Variants in TRAPPC9 observed in about 807,000 individuals in gnomAD.
The protein encoded by TRAPPC9 is trafficking protein particle complex subunit 9.
TRAPPC9 carries 83 observed loss-of-function variants against 124.0 expected under a neutral mutation model. The observed-to-expected ratio is 0.67, with a 90% CI of 0.56 to 0.80. TRAPPC9 has a LOEUF of 0.80. Ranked by LOEUF, TRAPPC9 falls within the 30% of genes least tolerant of loss-of-function variation. TRAPPC9 has a pLI of 0.00. For synonymous variants in TRAPPC9, 638 were observed against 617.5 expected, an observed-to-expected ratio of 1.03 and a Z score of -0.49; for missense variants, 1,302 against 1,508.3, an observed-to-expected ratio of 0.86 and a Z score of 2.27.
intron 7 of TRAPPC9, among the ~76,000 whole-genome samples, chr8:140,372,580 C>T (rs537259815): frequency 1.3e-5 from 2 of 152,290 alleles, no homozygotes; most frequent in African/African-American, 2.4e-5. Context: ...CCAAAATTCA[C>T]ATGTTGAAAG....
intron 17 of TRAPPC9, among the ~76,000 whole-genome samples, chr8:140,154,472 C>T (rs2061597324): frequency 6.6e-6 from 1 of 152,174 alleles, no homozygotes; most frequent in African/African-American, 2.4e-5. Context: ...AAAAGGCTCC[C>T]GTTGCTCTGA....
At chr8:140,409,918 G>A (rs1276938340) in intron 5 of TRAPPC9, among the ~76,000 whole-genome samples, 1 of 151,906 alleles carries the variant, frequency 6.6e-6, no homozygotes, top group Non-Finnish European at 1.5e-5. Flanking sequence ...AGGCTCCTGG[G>A]TTGAGCCCAA....
chr8:139,738,611 T>C (rs960559988), intron 21 of TRAPPC9, among the ~76,000 whole-genome samples: 1 of 152,124 alleles, frequency 6.6e-6, no homozygotes, highest in Non-Finnish European at 1.5e-5. Flanking sequence ...GGGAGGAAGG[T>C]AGCCCGCAAC....
chr8:140,316,978 G>A lies in TRAPPC9; in HGVS notation c.1496-5604C>T, dbSNP rs77306312. Among the ~76,000 whole-genome samples, 491 of 152,214 alleles carry A rather than the reference G, an allele frequency of 3.2e-3. 1 individual carries two copies. Among genetic ancestry groups the A allele is most frequent in the African/African-American group, 0.01 (433 of 41,538 alleles). On this transcript the variant is annotated intron_variant, in intron 9 of 22. Transcript: ENST00000438773. ...TGTATGTGTCCACGCAGTTATCCAC[G>A]TCTTCTAGGTCACTGAGTTTGTTGG...
At chr8:140,361,075 TAACC>T (rs1389569360) in intron 8 of TRAPPC9, among the ~76,000 whole-genome samples, 1 of 152,248 alleles carries the variant, frequency 6.6e-6, no homozygotes, top group Non-Finnish European at 1.5e-5. Context: ...ATGGCTCTGA[TAACC>T]AACCACACAG....
intron 17 of TRAPPC9, among the ~76,000 whole-genome samples, chr8:140,124,742 C>T (rs144683874): frequency 9.1e-4 from 95 of 104,526 alleles, no homozygotes; most frequent in African/African-American, 3.8e-3. Context: ...AAATCACTCT[C>T]GAAGTCTGAA....
At chr8:139,744,759 C>T (rs923794929) in intron 21 of TRAPPC9, among the ~76,000 whole-genome samples, 14 of 152,342 alleles carry the variant, frequency 9.2e-5, no homozygotes, top group African/African-American at 2.2e-4. Context: ...GTGCTGGCCC[C>T]GCATGTGTAA....
chr8:140,228,941 G>C (rs2063517586), intron 16 of TRAPPC9, among the ~76,000 whole-genome samples: 1 of 152,210 alleles, frequency 6.6e-6, no homozygotes, highest in African/African-American at 2.4e-5. Context: ...TAACCTCCCA[G>C]CAGCAAGGGA....
chr8:140,185,629 T>C (rs1030495803), intron 17 of TRAPPC9, among the ~76,000 whole-genome samples: 8 of 152,134 alleles, frequency 5.3e-5, no homozygotes, highest in African/African-American at 1.9e-4. Flanking sequence ...ACCCTGTACA[T>C]GTCATTGCCC....
At chr8:140,110,227 ACAGC>A (rs1343757317) in intron 17 of TRAPPC9, among the ~76,000 whole-genome samples, 1 of 50,116 alleles carries the variant, frequency 2.0e-5, no homozygotes, top group Admixed American at 2.7e-4. Flanking sequence ...AGCTCCCCCT[ACAGC>A]AGCTCCCCCT....
chr8:140,359,934 CT>C, intron 9 of TRAPPC9, 115 bp downstream of exon 9: 1 of 1,428,636 alleles, frequency 7.0e-7, no homozygotes, highest in Non-Finnish European at 9.8e-7. Context: ...TGACGAAGAG[CT>C]GGGCAGCATC....
chr8:139,988,749 G>A lies in TRAPPC9; in HGVS notation c.2787C>T (p.Ile929=). The change falls in exon 19 of 23, where the codon ATC becomes ATT. Residue 929 remains isoleucine (I), a synonymous_variant. Transcript: ENST00000438773. ...ACCGCTGGCACTCACCGGCGTGCAG[G>A]ATGAGTGCCTCGCTGCTCCTGGTGC... ...TVSTRSSEAL[I]LHAGECQRMA... 6.4e-7 allele frequency: 1 copy of A among 1,551,012 alleles called. No individual in the cohort carries two copies. The highest frequency in any genetic ancestry group is 1.7e-4 in the Middle Eastern group (1 of 5,770).
chr8:139,771,816 C>T (rs1820984239), intron 21 of TRAPPC9, among the ~76,000 whole-genome samples: 2 of 152,362 alleles, frequency 1.3e-5, no homozygotes, highest in South Asian at 2.1e-4. Flanking sequence ...CCTGGCCAGG[C>T]CAGGCACCCT....
rs117881455 is a variant in TRAPPC9, at chr8:140,067,451, A to G, written c.2557-43372T>C. Reference sequence around the variant, plus strand: ...AGCCACCACGCCCCACCAACCTTCTAAGTTTTTAAATGATCAAATTGGGCT... The same window carrying G: ...AGCCACCACGCCCCACCAACCTTCTGAGTTTTTAAATGATCAAATTGGGCT... On this transcript the variant is annotated intron_variant, in intron 17 of 22. Coordinates refer to ENST00000438773, the MANE Select transcript of TRAPPC9 (RefSeq NM_001160372.4). Among the ~76,000 whole-genome samples the G allele has an allele frequency of 2.4e-3, 363 of 152,262 alleles. 3 individuals are homozygous for G. The East Asian group carries it at 0.03, about 13-fold the overall frequency.
chr8:139,841,811 T>G lies in TRAPPC9; in HGVS notation c.3055+44068A>C, dbSNP rs569751387. 4.0e-4 allele frequency among the ~76,000 whole-genome samples: 61 copies of G among 152,294 alleles called. No individual in the cohort carries two copies. In the South Asian group the frequency reaches 0.012, roughly 30 times the overall value. ...CCCCCTAAAGCACCCCAAGGCCAAG[T>G]GACAGAGTTCCAGGACGAAGCCACC... On this transcript the variant is annotated intron_variant, in intron 21 of 22. Transcript: ENST00000438773.
rs139579726 is a variant in TRAPPC9, at chr8:139,786,444, C to T, written c.3056-54242G>A. Reference sequence around the variant, plus strand: ...GGGGAGGCGGAGGAACTGGAACTCTCGTGCACTGCCAGTGGGCATGTAAAA... The same window carrying T: ...GGGGAGGCGGAGGAACTGGAACTCTTGTGCACTGCCAGTGGGCATGTAAAA... On this transcript the variant is annotated intron_variant, in intron 21 of 22. Coordinates refer to ENST00000438773, the MANE Select transcript of TRAPPC9 (RefSeq NM_001160372.4). Among the ~76,000 whole-genome samples, 419 of 152,092 alleles carry T rather than the reference C, an allele frequency of 2.8e-3. 2 individuals carry two copies. Among genetic ancestry groups the T allele is most frequent in the African/African-American group, 9.2e-3 (381 of 41,466 alleles).
chr8:139,864,361 C>T (rs565943972), intron 21 of TRAPPC9, among the ~76,000 whole-genome samples: 12 of 152,308 alleles, frequency 7.9e-5, no homozygotes, highest in African/African-American at 1.7e-4. Context: ...AAGATGAAGG[C>T]GCCAGGGGTT....
At position 139,731,041 on chromosome 8, in the gene TRAPPC9, A is replaced by G; in HGVS notation, c.*20T>C. On this transcript the variant is annotated 3_prime_UTR_variant, in exon 23 of 23. Coordinates refer to ENST00000438773, the MANE Select transcript of TRAPPC9 (RefSeq NM_001160372.4). The stretch of plus-strand genomic sequence containing the variant: ...GGGTCACCTCTGGCCCTGCAGAAAG[A>G]GGGACGGAAGTAGGCGGGCTCAGGC... 1 of 1,610,910 alleles carries G rather than the reference A, an allele frequency of 6.2e-7. No homozygotes were observed. The highest frequency in any genetic ancestry group is 8.5e-7 in the Non-Finnish European group (1 of 1,179,524).
At chr8:140,218,008 C>T (rs554616066) in intron 17 of TRAPPC9, among the ~76,000 whole-genome samples, 3 of 128,398 alleles carry the variant, frequency 2.3e-5, no homozygotes, top group African/African-American at 7.6e-5. Flanking sequence ...GAGAGCAATA[C>T]TCTGTCTCCA....
Sources: allele counts gnomAD v4.1 joint callset (sites outside exome capture counted in the v4.1 genomes callset), GRCh38; gene constraint gnomAD v4.1.1; transcripts MANE v1.5; gene names NCBI Gene and HGNC (gene_info 2026-07-23, HGNC 2026-07-21).